EEF1AKMT2: variants seen among roughly 807,000 people sequenced by gnomAD.
The protein encoded by EEF1AKMT2 is eukaryotic translation elongation factor 1 alpha lysine methyltransferase 2.
EEF1AKMT2 carries 32 observed loss-of-function variants against 35.8 expected under a neutral mutation model. That is an observed-to-expected ratio of 0.89 (90% CI 0.67 to 1.20). EEF1AKMT2 has a LOEUF of 1.20. Ranked by LOEUF, EEF1AKMT2 falls within the 50% of genes most tolerant of loss-of-function variation. The probability of loss-of-function intolerance (pLI) is 0.00; values close to 1 mark genes in which losing one functional copy is unlikely to be tolerated. For synonymous variants in EEF1AKMT2, 121 were observed against 133.7 expected (o/e 0.91, Z 0.65); for missense variants, 330 against 347.5 (o/e 0.95, Z 0.40).
intron 4 of EEF1AKMT2, among the ~76,000 whole-genome samples, chr10:124,772,918 G>GT (rs1950450795): frequency 6.6e-6 from 1 of 152,054 alleles, no homozygotes; most frequent in South Asian, 2.1e-4. Flanking sequence ...AACTTTCTCC[G>GT]TAACAGCAAT....
intron 3 of EEF1AKMT2, among the ~76,000 whole-genome samples, chr10:124,777,018 G>A (rs975099827): frequency 2.0e-5 from 3 of 151,964 alleles, no homozygotes; most frequent in Admixed American, 2.0e-4. Flanking sequence ...GGTGGCTCAA[G>A]CTTGTAATCC....
chr10:124,785,135 T>C (rs1168427639), intron 3 of EEF1AKMT2, among the ~76,000 whole-genome samples: 1 of 148,846 alleles, frequency 6.7e-6, no homozygotes, highest in Non-Finnish European at 1.5e-5. Context: ...TAGCCCCAGC[T>C]ACTCGGGAGG....
At chr10:124,769,714 AGGTG>A (rs1460174931) in intron 4 of EEF1AKMT2, among the ~76,000 whole-genome samples, 1 of 152,108 alleles carries the variant, frequency 6.6e-6, no homozygotes, top group Non-Finnish European at 1.5e-5. Context: ...TGGGAGGCCA[AGGTG>A]GGTGGATCAC....
chr10:124,773,204 TA>T (rs1950454282), intron 4 of EEF1AKMT2, among the ~76,000 whole-genome samples: 1 of 152,188 alleles, frequency 6.6e-6, no homozygotes, highest in Non-Finnish European at 1.5e-5. Flanking sequence ...CTTGTTTTTT[TA>T]TTTTTGTTTT....
chr10:124,766,391 CTG>C (rs1448842915), intron 4 of EEF1AKMT2: 1 of 151,952 alleles, frequency 6.6e-6, no homozygotes, highest in Non-Finnish European at 1.5e-5. Context: ...AATTAAATAA[CTG>C]TTAAACTGTA....
At chr10:124,782,581 C>CAAAAAA (rs34882125) in intron 3 of EEF1AKMT2, among the ~76,000 whole-genome samples, 2 of 62,404 alleles carry the variant, frequency 3.2e-5, no homozygotes, top group Non-Finnish European at 5.7e-5. Flanking sequence ...GACTCCGTCT[C>CAAAAAA]AAAAAAAAAA....
At chr10:124,786,071 T>C (rs1950581603) in intron 3 of EEF1AKMT2, among the ~76,000 whole-genome samples, 1 of 152,012 alleles carries the variant, frequency 6.6e-6, no homozygotes, top group Non-Finnish European at 1.5e-5. Flanking sequence ...TGGTCACCTT[T>C]AGAAGGGAAG....
intron 3 of EEF1AKMT2, 135 bp from the exon 4 acceptor site, chr10:124,774,917 G>A (rs1437337613): frequency 2.8e-6 from 1 of 360,952 alleles, no homozygotes; most frequent in Non-Finnish European, 4.9e-6. Context: ...AATTCATAAT[G>A]CTTAAATTTT....
intron 3 of EEF1AKMT2, among the ~76,000 whole-genome samples, chr10:124,778,791 G>T (rs1320619752): frequency 2.6e-5 from 4 of 151,064 alleles, no homozygotes; most frequent in African/African-American, 9.7e-5. Flanking sequence ...GGGATACAAG[G>T]CGACAGATTA....
downstream of EEF1AKMT2, among the ~76,000 whole-genome samples, chr10:124,757,571 T>C (rs1287515939): frequency 6.6e-6 from 1 of 152,220 alleles, no homozygotes; most frequent in East Asian, 1.9e-4. Context: ...GAGGTTTCTA[T>C]TATACTCTGG....
chr10:124,762,584 C>A (rs889453307), intron 5 of EEF1AKMT2, 26 bp from the exon 6 acceptor site: 8 of 1,091,560 alleles, frequency 7.3e-6, no homozygotes, highest in Non-Finnish European at 9.1e-6. Flanking sequence ...AGAGACAGAC[C>A]GTTTCAAAAA....
At chr10:124,786,500 C>T (rs1249508287) in intron 3 of EEF1AKMT2, among the ~76,000 whole-genome samples, 3 of 146,956 alleles carry the variant, frequency 2.0e-5, no homozygotes, top group Non-Finnish European at 4.5e-5. Flanking sequence ...AGTGAGACTC[C>T]GTCTCAAAAA....
intron 3 of EEF1AKMT2, among the ~76,000 whole-genome samples, chr10:124,782,249 C>A (rs1589790991): frequency 6.6e-6 from 1 of 152,250 alleles, no homozygotes; most frequent in East Asian, 1.9e-4. Flanking sequence ...GTAATCCCAG[C>A]ACAAAGGGAG....
At chr10:124,785,444 G>A (rs1950576460) in intron 3 of EEF1AKMT2, among the ~76,000 whole-genome samples, 1 of 151,978 alleles carries the variant, frequency 6.6e-6, no homozygotes, top group Non-Finnish European at 1.5e-5. Context: ...ACTGTTAAGT[G>A]AATGAAAAGA....
At chr10:124,776,606 G>A (rs568072972) in intron 3 of EEF1AKMT2, among the ~76,000 whole-genome samples, 3 of 151,854 alleles carry the variant, frequency 2.0e-5, no homozygotes, top group South Asian at 2.1e-4. Flanking sequence ...TGGCCAACAC[G>A]GTGAAACCCC....
intron 3 of EEF1AKMT2, among the ~76,000 whole-genome samples, chr10:124,783,238 T>C (rs1950558491): frequency 6.8e-6 from 1 of 147,968 alleles, no homozygotes; most frequent in Non-Finnish European, 1.5e-5. Context: ...CCTCCCAGGT[T>C]CAAGCAATTC....
intron 5 of EEF1AKMT2, 23 bp from the exon 6 acceptor site, chr10:124,762,581 G>C (rs1950342273): frequency 9.0e-7 from 1 of 1,106,982 alleles, no homozygotes; most frequent in Non-Finnish European, 1.1e-6. Flanking sequence ...GAGAGAGACA[G>C]ACCGTTTCAA....
intron 3 of EEF1AKMT2, among the ~76,000 whole-genome samples, chr10:124,775,450 T>G (rs1469565913): frequency 1.3e-5 from 2 of 152,186 alleles, no homozygotes; most frequent in African/African-American, 4.8e-5. Flanking sequence ...GGCAAAAGCA[T>G]GGAAGCTTCT....
rs1950304280 is a variant in EEF1AKMT2, at chr10:124,758,497, C to A, written c.*2006G>T. On this transcript the variant is annotated 3_prime_UTR_variant, in exon 7 of 7. Transcript: ENST00000368836. ...CCTTTTCCTAACCTTATCAAAAGCTCTATGGTTAAAAAAAAAAAAAAAAAG... is the reference window on the plus strand; with the variant it reads ...CCTTTTCCTAACCTTATCAAAAGCTATATGGTTAAAAAAAAAAAAAAAAAG... The A allele has an allele frequency of 7.8e-6, 1 of 128,688 alleles. No individual in the cohort carries two copies. The highest frequency in any genetic ancestry group is 2.8e-4 in the South Asian group (1 of 3,534). The allele number at this position is 128,688 out of a possible 1,614,324, so 8.0% of individuals were successfully genotyped here. A position where few individuals can be genotyped will look rare whatever the true frequency, so the allele number is the denominator to read the frequency against.
Sources: allele counts gnomAD v4.1 joint callset (sites outside exome capture counted in the v4.1 genomes callset), GRCh38; gene constraint gnomAD v4.1.1; transcripts MANE v1.5; gene names NCBI Gene and HGNC (gene_info 2026-07-23, HGNC 2026-07-21).